The following ROBO2 variants were observed in gnomAD, a reference collection of about 807,000 sequenced individuals.
The protein encoded by ROBO2 is roundabout guidance receptor 2, also known as roundabout homolog 2.
In ROBO2, 53 loss-of-function variants were observed where a neutral mutation model predicts 160.8. The observed-to-expected ratio is 0.33, with a 90% CI of 0.26 to 0.41. The LOEUF (loss-of-function observed/expected upper bound fraction) is 0.41, where lower values mean the gene tolerates loss of function less well. Ranked by LOEUF, ROBO2 falls within the 10% of genes least tolerant of loss-of-function variation. The probability of loss-of-function intolerance (pLI) is 1.00; values close to 1 mark genes in which losing one functional copy is unlikely to be tolerated. For missense variants in ROBO2, 1,577 were observed against 1,722.4 expected (o/e 0.92, Z 1.49); for synonymous variants, 664 against 611.7 (o/e 1.09, Z -1.26).
At chr3:77,479,712 A>G (rs1421487693) in intron 3 of ROBO2, among the ~76,000 whole-genome samples, 6 of 152,182 alleles carry the variant, frequency 3.9e-5, no homozygotes, top group Non-Finnish European at 8.8e-5. Flanking sequence ...ATGGATTGGT[A>G]GTTTATGTTT....
At chr3:75,920,237 C>T (rs1013434344) in intron 1 of ROBO2, among the ~76,000 whole-genome samples, 1 of 152,104 alleles carries the variant, frequency 6.6e-6, no homozygotes, top group African/African-American at 2.4e-5. Flanking sequence ...TGTCTTTGTT[C>T]TCATTGGTTT....
intron 2 of ROBO2, among the ~76,000 whole-genome samples, chr3:76,164,461 T>C (rs566432769): frequency 1.4e-4 from 22 of 152,314 alleles, no homozygotes; most frequent in African/African-American, 5.1e-4. Context: ...TTATGAAACA[T>C]ATTATTAAAT....
chr3:77,440,320 C>T (rs139640800), intron 2 of ROBO2, among the ~76,000 whole-genome samples: 1 of 152,090 alleles, frequency 6.6e-6, no homozygotes, highest in Non-Finnish European at 1.5e-5. Flanking sequence ...TATTTTACAT[C>T]CTTGTTTTTA....
chr3:76,158,008 TAAG>T, intron 2 of ROBO2, among the ~76,000 whole-genome samples: 1 of 152,276 alleles, frequency 6.6e-6, no homozygotes, highest in South Asian at 2.1e-4. Flanking sequence ...GTAATCTCTC[TAAG>T]AAGTTCTCTC....
rs1262366628 is a variant in ROBO2, at chr3:77,193,173, G to A, written c.388+94833G>A. On this transcript the variant is annotated intron_variant, in intron 2 of 25. Coordinates refer to ENST00000461745, the Ensembl canonical transcript of ROBO2. ...CTAAATACTTCTTGGCTGCAGGGAA[G>A]AAACCACGTCCCAGGCGAAGTCCTA... is the stretch of plus-strand genomic sequence containing the variant. 2.0e-5 allele frequency among the ~76,000 whole-genome samples: 3 copies of A among 151,702 alleles called. No homozygotes were observed. In the East Asian group the frequency reaches 5.8e-4, roughly 30 times the overall value.
chr3:77,061,691 T>C (rs1366760892), intron 1 of ROBO2, among the ~76,000 whole-genome samples: 2 of 152,318 alleles, frequency 1.3e-5, no homozygotes, highest in Non-Finnish European at 2.9e-5. Context: ...CTTATCACCA[T>C]GGATCGTGTC....
At chr3:76,152,951 A>C (rs747394074) in intron 2 of ROBO2, among the ~76,000 whole-genome samples, 48 of 152,150 alleles carry the variant, frequency 3.2e-4, no homozygotes, top group Non-Finnish European at 5.4e-4. Flanking sequence ...CTTCTTCTAA[A>C]TTCCAGAAAT....
intron 2 of ROBO2, among the ~76,000 whole-genome samples, chr3:77,327,668 G>A (rs542207185): frequency 5.3e-4 from 81 of 152,256 alleles, no homozygotes; most frequent in Non-Finnish European, 9.7e-4. Context: ...AAGTGGTACA[G>A]ATCTCATGTT....
chr3:76,248,908 G>C (rs1576089038), intron 2 of ROBO2, among the ~76,000 whole-genome samples: 1 of 152,114 alleles, frequency 6.6e-6, no homozygotes, highest in East Asian at 1.9e-4. Flanking sequence ...AGTCTGTGCT[G>C]TTTACGCTGG....
At chr3:76,272,700 A>G (rs143179299) in intron 2 of ROBO2, among the ~76,000 whole-genome samples, 3,707 of 114,496 alleles carry the variant, frequency 0.032, 328 homozygotes, top group African/African-American at 0.081. Flanking sequence ...TATATTCTAT[A>G]TATATAAAAT....
chr3:77,070,807 G>A (rs188867651), intron 1 of ROBO2, among the ~76,000 whole-genome samples: 24 of 152,174 alleles, frequency 1.6e-4, no homozygotes, highest in Non-Finnish European at 3.1e-4. Flanking sequence ...GAGGTATCTC[G>A]GGCTATTGCG....
At chr3:76,825,587 C>T (rs1264981193) in intron 2 of ROBO2, among the ~76,000 whole-genome samples, 2 of 121,828 alleles carry the variant, frequency 1.6e-5, no homozygotes, top group African/African-American at 6.3e-5. Flanking sequence ...GGAGTCTACC[C>T]TTTCATCATC....
intron 2 of ROBO2, among the ~76,000 whole-genome samples, chr3:76,552,275 G>A (rs1315497566): frequency 2.0e-5 from 3 of 151,878 alleles, no homozygotes; most frequent in South Asian, 2.1e-4. Flanking sequence ...AGTATCTGTC[G>A]GGGGCCCTGG....
intron 7 of ROBO2, 125 bp downstream of exon 8, chr3:77,546,587 C>T (rs780077002): frequency 3.5e-5 from 43 of 1,214,086 alleles, no homozygotes; most frequent in Middle Eastern, 4.7e-4. Context: ...GAAAAAGAGA[C>T]TGGTGAATGT....
intron 2 of ROBO2, among the ~76,000 whole-genome samples, chr3:76,375,714 A>G (rs2108511377): frequency 6.6e-6 from 1 of 152,224 alleles, no homozygotes. Flanking sequence ...GTAGAATTCA[A>G]GCAGTGTGAA....
At chr3:75,950,926 G>T (rs1156467656) in intron 2 of ROBO2, among the ~76,000 whole-genome samples, 2 of 152,054 alleles carry the variant, frequency 1.3e-5, no homozygotes, top group Non-Finnish European at 2.9e-5. Context: ...ACTGAAATCA[G>T]TAGGTAAATA....
At chr3:76,240,582 T>C (rs17140549) in intron 2 of ROBO2, among the ~76,000 whole-genome samples, 3,660 of 152,224 alleles carry the variant, frequency 0.024, 181 homozygotes, top group East Asian at 0.18. Context: ...AGTGCTATGA[T>C]TGGAGTGAAA....
intron 2 of ROBO2, among the ~76,000 whole-genome samples, chr3:76,217,473 A>C (rs1463754734): frequency 1.3e-5 from 2 of 152,200 alleles, no homozygotes; most frequent in Non-Finnish European, 2.9e-5. Context: ...AAAAATGACA[A>C]AGGTGATATC....
chr3:77,477,031 G>A (rs1462001211), intron 2 of ROBO2, among the ~76,000 whole-genome samples: 2 of 151,702 alleles, frequency 1.3e-5, no homozygotes, highest in Non-Finnish European at 1.5e-5. Context: ...CAAACCACAT[G>A]CATATATATA....
Sources: allele counts gnomAD v4.1 joint callset (sites outside exome capture counted in the v4.1 genomes callset), GRCh38; gene constraint gnomAD v4.1.1; transcripts MANE v1.5; gene names NCBI Gene and HGNC (gene_info 2026-07-23, HGNC 2026-07-21).